ARB2A: variants seen among roughly 807,000 people sequenced by gnomAD.
ARB2A encodes the protein cotranscriptional regulator ARB2A.
the ARB2A span, among the ~76,000 whole-genome samples, chr5:94,052,535 C>T: frequency 6.6e-6 from 1 of 152,126 alleles, no homozygotes; most frequent in Non-Finnish European, 1.5e-5. Context: ...ATGCACCTAC[C>T]CTGTAATAAT....
the ARB2A span, chr5:93,863,469 AT>A: frequency 6.6e-6 from 1 of 151,476 alleles, no homozygotes; most frequent in Non-Finnish European, 1.5e-5. Flanking sequence ...GGGTATTGCT[AT>A]TTTGCCCAGG....
the ARB2A span, chr5:93,862,617 T>C: frequency 1.3e-5 from 2 of 151,808 alleles, no homozygotes; most frequent in Non-Finnish European, 2.9e-5. Flanking sequence ...TGATTACTAG[T>C]GTGTGTGTGT....
chr5:94,091,329 T>A, the ARB2A span, among the ~76,000 whole-genome samples: 2 of 152,322 alleles, frequency 1.3e-5, no homozygotes, highest in East Asian at 3.9e-4. Flanking sequence ...AATCACTCAC[T>A]GTTTCAAAAT....
At chr5:93,838,959 G>A in the ARB2A span, among the ~76,000 whole-genome samples, 1 of 151,762 alleles carries the variant, frequency 6.6e-6, no homozygotes, top group East Asian at 1.9e-4. Flanking sequence ...AAACTATGGG[G>A]TGGTATAGAA....
chr5:93,758,729 T>A, the ARB2A span, among the ~76,000 whole-genome samples: 1 of 152,122 alleles, frequency 6.6e-6, no homozygotes, highest in African/African-American at 2.4e-5. Context: ...CCAAAATCTC[T>A]GGAATACAGC....
the ARB2A span, among the ~76,000 whole-genome samples, chr5:94,108,942 G>T: frequency 6.6e-6 from 1 of 152,172 alleles, no homozygotes; most frequent in Non-Finnish European, 1.5e-5. Flanking sequence ...GAAAAGAAAT[G>T]AAAGCAGAGA....
At chr5:93,730,525 T>C in the ARB2A span, among the ~76,000 whole-genome samples, 2 of 152,172 alleles carry the variant, frequency 1.3e-5, no homozygotes, top group Admixed American at 1.3e-4. Context: ...AGTAAATATA[T>C]GTAAAAAACT....
At chr5:93,872,689 G>T in the ARB2A span, among the ~76,000 whole-genome samples, 4 of 151,726 alleles carry the variant, frequency 2.6e-5, no homozygotes, top group African/African-American at 9.7e-5. Context: ...AGGCTGAGGC[G>T]GGCGGATCAC....
the ARB2A span, chr5:94,050,639 G>C: frequency 2.3e-6 from 2 of 855,044 alleles, no homozygotes. Context: ...ACATTTTGTA[G>C]AAAGAGTGCA....
the ARB2A span, among the ~76,000 whole-genome samples, chr5:94,049,798 G>A: frequency 6.6e-6 from 1 of 152,166 alleles, no homozygotes; most frequent in Non-Finnish European, 1.5e-5. Context: ...TCCAGCCTGA[G>A]TAACAGAGCG....
chr5:93,672,638 A>G, the ARB2A span, among the ~76,000 whole-genome samples: 1 of 152,164 alleles, frequency 6.6e-6, no homozygotes, highest in Non-Finnish European at 1.5e-5. Flanking sequence ...GCATTAAAAA[A>G]TTTAAGCTAA....
the ARB2A span, among the ~76,000 whole-genome samples, chr5:93,795,618 C>A: frequency 1.3e-5 from 2 of 152,156 alleles, no homozygotes; most frequent in African/African-American, 4.8e-5. Flanking sequence ...ACATTCAAAT[C>A]TAAATTTTCC....
the ARB2A span, among the ~76,000 whole-genome samples, chr5:94,001,349 G>A: frequency 7.9e-5 from 12 of 151,908 alleles, no homozygotes; most frequent in Non-Finnish European, 1.5e-4. Context: ...CAAGTAGCTC[G>A]TGTACAAATT....
the ARB2A span, among the ~76,000 whole-genome samples, chr5:94,012,262 C>T: frequency 4.6e-5 from 7 of 152,086 alleles, no homozygotes; most frequent in Non-Finnish European, 2.9e-5. Flanking sequence ...ATTAGCCAGG[C>T]GTGGTGGTGG....
the ARB2A span, among the ~76,000 whole-genome samples, chr5:94,086,409 T>A: frequency 1.3e-5 from 2 of 152,220 alleles, no homozygotes; most frequent in Admixed American, 6.5e-5. Context: ...AACATCATGA[T>A]ACAACACATT....
the ARB2A span, among the ~76,000 whole-genome samples, chr5:94,023,113 C>G: frequency 6.6e-6 from 1 of 152,184 alleles, no homozygotes; most frequent in African/African-American, 2.4e-5. Context: ...GCCAGAATAT[C>G]TAAGGGCCTG....
chr5:93,830,717 G>C, the ARB2A span, among the ~76,000 whole-genome samples: 6 of 152,086 alleles, frequency 3.9e-5, no homozygotes, highest in Non-Finnish European at 5.9e-5. Flanking sequence ...TAGTCCAGCA[G>C]TCCCCAACCT....
the ARB2A span, among the ~76,000 whole-genome samples, chr5:93,624,647 A>G: frequency 1.9e-3 from 293 of 152,320 alleles, 3 homozygotes; most frequent in African/African-American, 6.8e-3. Context: ...TGGAGATGAT[A>G]ATGGCCTCTG....
At chr5:94,097,844 C>G in the ARB2A span, among the ~76,000 whole-genome samples, 1 of 151,532 alleles carries the variant, frequency 6.6e-6, no homozygotes, top group African/African-American at 2.4e-5. Flanking sequence ...GCCCTCCCCC[C>G]CACCACCCCA....
Sources: allele counts gnomAD v4.1 joint callset (sites outside exome capture counted in the v4.1 genomes callset), GRCh38; gene constraint gnomAD v4.1.1; transcripts MANE v1.5; gene names NCBI Gene and HGNC (gene_info 2026-07-23, HGNC 2026-07-21).